The following HS6ST3 variants were observed in gnomAD, a reference collection of about 807,000 sequenced individuals.
The protein encoded by HS6ST3 is heparan-sulfate 6-O-sulfotransferase 3.
HS6ST3 carries 12 observed loss-of-function variants against 36.7 expected under a neutral mutation model. The observed-to-expected ratio is 0.33, with a 90% CI of 0.21 to 0.53. The LOEUF (loss-of-function observed/expected upper bound fraction) is 0.53, where lower values mean the gene tolerates loss of function less well. HS6ST3 is among the 20% of genes least tolerant of loss of function. The pLI, the probability that HS6ST3 is intolerant of heterozygous loss-of-function variation, is 0.95. For missense variants in HS6ST3, 584 were observed against 640.9 expected, an observed-to-expected ratio of 0.91 and a Z score of 0.96; for synonymous variants, 240 against 257.5, an observed-to-expected ratio of 0.93 and a Z score of 0.65.
intron 1 of HS6ST3, among the ~76,000 whole-genome samples, chr13:96,717,890 A>G (rs1376018350): frequency 6.6e-6 from 1 of 152,284 alleles, no homozygotes. Context: ...ACTTGTCTAT[A>G]TATCTAAAAT....
At chr13:96,095,403 C>T (rs867541259) in intron 1 of HS6ST3, among the ~76,000 whole-genome samples, 9 of 152,282 alleles carry the variant, frequency 5.9e-5, no homozygotes, top group Admixed American at 3.3e-4. Flanking sequence ...TCTTTTATAA[C>T]GTGTATTCCA....
intron 1 of HS6ST3, among the ~76,000 whole-genome samples, chr13:96,313,850 C>CT (rs150017234): frequency 6.6e-6 from 1 of 152,138 alleles, no homozygotes; most frequent in Admixed American, 6.5e-5. Flanking sequence ...CTCCTTGACT[C>CT]TTTAATTGTA....
intron 1 of HS6ST3, among the ~76,000 whole-genome samples, chr13:96,549,277 T>C (rs1048657832): frequency 1.3e-5 from 2 of 152,172 alleles, no homozygotes; most frequent in African/African-American, 4.8e-5. Flanking sequence ...AAAGAACTTC[T>C]GTAGCCTGTA....
chr13:96,285,229 A>C (rs1248576428), intron 1 of HS6ST3, among the ~76,000 whole-genome samples: 1 of 152,146 alleles, frequency 6.6e-6, no homozygotes, highest in Non-Finnish European at 1.5e-5. Flanking sequence ...TGACATGTTG[A>C]TGATTTATCA....
chr13:96,805,989 G>A (rs1201602119), intron 1 of HS6ST3, among the ~76,000 whole-genome samples: 10 of 152,180 alleles, frequency 6.6e-5, no homozygotes, highest in South Asian at 2.1e-4. Flanking sequence ...ATCTGGAGGC[G>A]TGGATAGTGC....
chr13:96,355,396 C>CACAA (rs1555300293), intron 1 of HS6ST3, among the ~76,000 whole-genome samples: 25 of 134,670 alleles, frequency 1.9e-4, no homozygotes, highest in Non-Finnish European at 3.7e-4. Context: ...CACACACACA[C>CACAA]ACACACAAAC....
chr13:96,571,082 T>G (rs1441750579), intron 1 of HS6ST3, among the ~76,000 whole-genome samples: 2 of 152,206 alleles, frequency 1.3e-5, no homozygotes, highest in East Asian at 3.9e-4. Context: ...GAGATGTGCA[T>G]GGTGAGAAAT....
chr13:96,396,317 T>G (rs1424392000), intron 1 of HS6ST3, among the ~76,000 whole-genome samples: 1 of 151,534 alleles, frequency 6.6e-6, no homozygotes, highest in Non-Finnish European at 1.5e-5. Flanking sequence ...CTGTTTTGTT[T>G]GTTTGTTTGT....
intron 1 of HS6ST3, among the ~76,000 whole-genome samples, chr13:96,107,050 C>A (rs1594678216): frequency 6.6e-6 from 1 of 152,104 alleles, no homozygotes; most frequent in Admixed American, 6.5e-5. Flanking sequence ...CAGTGAGTAG[C>A]AAGGGAGTTA....
chr13:96,149,164 T>C (rs2054071886), intron 1 of HS6ST3, among the ~76,000 whole-genome samples: 1 of 152,252 alleles, frequency 6.6e-6, no homozygotes, highest in Admixed American at 6.5e-5. Context: ...TCTTGATAAC[T>C]TTCACATTAG....
At chr13:96,158,686 G>C (rs1462261759) in intron 1 of HS6ST3, among the ~76,000 whole-genome samples, 1 of 146,536 alleles carries the variant, frequency 6.8e-6, no homozygotes, top group African/African-American at 2.5e-5. Flanking sequence ...TAGAGAAGAA[G>C]AGAGCCTTGG....
intron 1 of HS6ST3, among the ~76,000 whole-genome samples, chr13:96,339,157 G>T (rs997640091): frequency 6.6e-6 from 1 of 152,172 alleles, no homozygotes; most frequent in East Asian, 1.9e-4. Flanking sequence ...TGAGCCAAGT[G>T]TGGTGTGTTT....
In HS6ST3 at chr13:96,652,964, T is replaced by A. The variant is rs1215760906; in HGVS notation, c.708-179526T>A. ...ACTATAATAGTCATCAATAAATTGA[T>A]GACCCAACTCTGATGGTTGACTGTT... On this transcript the variant is annotated intron_variant, in intron 1 of 1. Transcript: ENST00000376705. Among the ~76,000 whole-genome samples the A allele has an allele frequency of 3.3e-5, 5 of 152,104 alleles. No individual in the cohort carries two copies. The East Asian group carries it at 9.7e-4, about 29-fold the overall frequency.
chr13:96,576,025 C>G (rs1469752599), intron 1 of HS6ST3, among the ~76,000 whole-genome samples: 1 of 152,076 alleles, frequency 6.6e-6, no homozygotes, highest in Admixed American at 6.5e-5. Context: ...GGTGTGGCTT[C>G]CCGAAATGGG....
At chr13:96,761,431 A>G (rs1202724302) in intron 1 of HS6ST3, among the ~76,000 whole-genome samples, 1 of 151,448 alleles carries the variant, frequency 6.6e-6, no homozygotes, top group Non-Finnish European at 1.5e-5. Flanking sequence ...CCTACCTTTG[A>G]TTTTTTTCAT....
intron 1 of HS6ST3, among the ~76,000 whole-genome samples, chr13:96,278,661 A>G (rs191708983): frequency 6.6e-6 from 1 of 152,294 alleles, no homozygotes; most frequent in Admixed American, 6.5e-5. Flanking sequence ...TCAACTGCTT[A>G]ATTTTGATCA....
At chr13:96,773,464 G>A (rs945155512) in intron 1 of HS6ST3, among the ~76,000 whole-genome samples, 22 of 152,100 alleles carry the variant, frequency 1.4e-4, no homozygotes, top group African/African-American at 5.1e-4. Flanking sequence ...TTCTGAAGTC[G>A]ACCTGGGACA....
intron 1 of HS6ST3, among the ~76,000 whole-genome samples, chr13:96,148,910 G>A (rs1295167903): frequency 6.6e-6 from 1 of 152,134 alleles, no homozygotes; most frequent in Non-Finnish European, 1.5e-5. Context: ...TACACTAAGG[G>A]ACAAAATAGT....
intron 1 of HS6ST3, among the ~76,000 whole-genome samples, chr13:96,604,882 C>T (rs138622762): frequency 3.3e-5 from 5 of 152,158 alleles, no homozygotes; most frequent in Admixed American, 1.3e-4. Context: ...GAGCAGATGT[C>T]GGTTTAATGG....
Sources: allele counts gnomAD v4.1 joint callset (sites outside exome capture counted in the v4.1 genomes callset), GRCh38; gene constraint gnomAD v4.1.1; transcripts MANE v1.5; gene names NCBI Gene and HGNC (gene_info 2026-07-23, HGNC 2026-07-21).